Variants in SDHAF4 observed in about 807,000 individuals in gnomAD.
The protein encoded by SDHAF4 is succinate dehydrogenase complex assembly factor 4, also known as succinate dehydrogenase assembly factor 4, mitochondrial.
A neutral mutation model predicts 14.3 loss-of-function variants in SDHAF4; 14 were observed. The ratio of observed to expected loss-of-function variants is 0.98; its 90% CI spans 0.65 to 1.53. SDHAF4 has a LOEUF of 1.53. Among genes scored for constraint, SDHAF4 ranks in the 40% most tolerant of loss-of-function variants. SDHAF4 has a pLI of 0.00. For synonymous variants in SDHAF4, 63 were observed against 47.3 expected, an observed-to-expected ratio of 1.33 and a Z score of -1.36; for missense variants, 141 against 129.3, an observed-to-expected ratio of 1.09 and a Z score of -0.44.
intron 2 of SDHAF4, among the ~76,000 whole-genome samples, 156 bp downstream of exon 2, chr6:70,579,722 G>A (rs928332886): frequency 2.0e-5 from 3 of 152,088 alleles, no homozygotes; most frequent in African/African-American, 4.8e-5. Flanking sequence ...ATTGACCATC[G>A]ATACATGTAG....
At chr6:70,588,049 G>T (rs1765223783) in intron 2 of SDHAF4, among the ~76,000 whole-genome samples, 1 of 152,188 alleles carries the variant, frequency 6.6e-6, no homozygotes, top group Non-Finnish European at 1.5e-5. Context: ...GAAAACTGTG[G>T]CATTAAGTCA....
chr6:70,577,708 C>T (rs996404066), intron 1 of SDHAF4, among the ~76,000 whole-genome samples: 4 of 152,148 alleles, frequency 2.6e-5, no homozygotes, highest in African/African-American at 9.7e-5. Context: ...CCTTGCATCC[C>T]CTTCTTCCCT....
At chr6:70,587,053 C>T (rs1562059173) in intron 2 of SDHAF4, among the ~76,000 whole-genome samples, 1 of 152,014 alleles carries the variant, frequency 6.6e-6, no homozygotes, top group Non-Finnish European at 1.5e-5. Context: ...CACCTGTAAT[C>T]CCAGCTACTC....
intron 2 of SDHAF4, among the ~76,000 whole-genome samples, chr6:70,582,261 C>T (rs1322282648): frequency 6.6e-6 from 1 of 151,422 alleles, no homozygotes; most frequent in Non-Finnish European, 1.5e-5. Context: ...AGATAGAGCT[C>T]AGTATGTTGC....
At chr6:70,575,581 A>G (rs1005929781) in intron 1 of SDHAF4, among the ~76,000 whole-genome samples, 6 of 150,904 alleles carry the variant, frequency 4.0e-5, no homozygotes, top group Admixed American at 2.0e-4. Flanking sequence ...TAAAGGTTCT[A>G]TCTCTGATTT....
chr6:70,577,622 T>G (rs796674486), intron 1 of SDHAF4, among the ~76,000 whole-genome samples: 20 of 152,316 alleles, frequency 1.3e-4, no homozygotes, highest in African/African-American at 4.6e-4. Flanking sequence ...GGTATATGTG[T>G]GATGCTGAGA....
At chr6:70,590,083 C>T (rs1765245246), downstream of SDHAF4, among the ~76,000 whole-genome samples, 1 of 152,058 alleles carries the variant, frequency 6.6e-6, no homozygotes, top group Admixed American at 6.6e-5. Flanking sequence ...ACTAAAAATA[C>T]AAAAACTAGC....
intron 2 of SDHAF4, among the ~76,000 whole-genome samples, chr6:70,585,293 G>A (rs1054129316): frequency 4.6e-5 from 7 of 152,314 alleles, no homozygotes; most frequent in Admixed American, 2.6e-4. Context: ...ACTGAACTGC[G>A]TACTTAAAAT....
chr6:70,579,692 A>G (rs564864893), intron 2 of SDHAF4, 126 bp downstream of exon 2: 578 of 705,608 alleles, frequency 8.2e-4, no homozygotes, highest in Non-Finnish European at 1.1e-3. Context: ...GCATATTTCA[A>G]CAATGAGTAA....
chr6:70,572,308 A>G (rs1040893108), intron 1 of SDHAF4, among the ~76,000 whole-genome samples: 2 of 151,450 alleles, frequency 1.3e-5, no homozygotes, highest in African/African-American at 4.8e-5. Flanking sequence ...CAGAGCACCA[A>G]CCTTTGTTTA....
At position 70,586,161 on chromosome 6, in the gene SDHAF4, C is replaced by G. The variant is rs545215182; in HGVS notation, c.218-2454C>G. Among the ~76,000 whole-genome samples the G allele has an allele frequency of 1.9e-4, 29 of 152,250 alleles. 1 individual carries two copies. The South Asian group carries it at 6.0e-3, about 32-fold the overall frequency. On this transcript the variant is annotated intron_variant, in intron 2 of 2. Coordinates refer to ENST00000370474, the MANE Select transcript of SDHAF4 (RefSeq NM_145267.3). ...ATGTGACACCCATGCCCCCAAAAGT[C>G]TAGTTGCCTTTTGGTCTGTGTCTCA...
chr6:70,576,603 C>G (rs1425493195), intron 1 of SDHAF4, among the ~76,000 whole-genome samples: 1 of 152,128 alleles, frequency 6.6e-6, no homozygotes, highest in African/African-American at 2.4e-5. Flanking sequence ...GTGTTTGTGT[C>G]TATTTCTTTA....
chr6:70,567,070 C>A, intron 1 of SDHAF4, 66 bp downstream of exon 1: 1 of 1,457,558 alleles, frequency 6.9e-7, no homozygotes, highest in Non-Finnish European at 9.4e-7. Flanking sequence ...CAGAGAGAAG[C>A]GCCTCCCGCG....
chr6:70,596,189 TCTC>T, the SDHAF4 span, among the ~76,000 whole-genome samples: 3 of 152,148 alleles, frequency 2.0e-5, no homozygotes, highest in African/African-American at 7.2e-5. Flanking sequence ...ATCACCCAGA[TCTC>T]CTCCTGTGAG....
intron 1 of SDHAF4, among the ~76,000 whole-genome samples, chr6:70,571,694 G>A (rs1183241390): frequency 1.3e-5 from 2 of 152,152 alleles, no homozygotes; most frequent in East Asian, 3.8e-4. Flanking sequence ...TTCTTTGTTA[G>A]ATTTTGTTTA....
At chr6:70,581,695 C>A (rs150846025) in intron 2 of SDHAF4, among the ~76,000 whole-genome samples, 1 of 152,046 alleles carries the variant, frequency 6.6e-6, no homozygotes, top group Non-Finnish European at 1.5e-5. Flanking sequence ...GCAGCCTTAA[C>A]CTTCCCAGCT....
chr6:70,572,617 T>C (rs1441727789), intron 1 of SDHAF4, among the ~76,000 whole-genome samples: 1 of 152,136 alleles, frequency 6.6e-6, no homozygotes, highest in African/African-American at 2.4e-5. Flanking sequence ...TATTCATTTT[T>C]TTCTTATTAT....
At position 70,579,558 on chromosome 6, in the gene SDHAF4, C is replaced by G. The variant is rs767447664; in HGVS notation, c.209C>G (p.Pro70Arg). ...APEDSHLEKEPLEKFPDDVNP... is the reference protein window; with the variant it reads ...APEDSHLEKERLEKFPDDVNP... ...GAGGATTCCCATTTAGAGAAAGAAC[C>G]ACTGGAAAGTAAGTATAATAAAGCA... is the stretch of plus-strand genomic sequence containing the variant. The change falls in exon 2 of 3, where the codon CCA becomes CGA. Residue 70 changes from proline to arginine, a missense_variant. Physicochemically the swap from Pro to Arg is moderately radical, Grantham distance 103 (BLOSUM62 -2). Transcript: ENST00000370474. The G allele has an allele frequency of 3.1e-6, 5 of 1,596,834 alleles. No individual in the cohort carries two copies. The South Asian group carries it at 4.5e-5, about 14-fold the overall frequency.
At chr6:70,575,004 G>A (rs183681058) in intron 1 of SDHAF4, among the ~76,000 whole-genome samples, 42 of 152,272 alleles carry the variant, frequency 2.8e-4, no homozygotes, top group African/African-American at 6.5e-4. Flanking sequence ...CTTCTCCTGC[G>A]CTTTCTGTTT....
Sources: gnomAD v4.1 joint callset for allele counts (sites outside exome capture counted in the v4.1 genomes callset) on GRCh38, gnomAD v4.1.1 for gene constraint, MANE v1.5 for transcripts, NCBI Gene and HGNC (gene_info 2026-07-23, HGNC 2026-07-21) for gene names.